MAML2: variants seen among roughly 807,000 people sequenced by gnomAD.
MAML2 encodes the protein mastermind like transcriptional coactivator 2.
MAML2 carries 22 observed loss-of-function variants against 96.1 expected under a neutral mutation model. That is an observed-to-expected ratio of 0.23 (90% CI 0.16 to 0.33). The LOEUF (loss-of-function observed/expected upper bound fraction) is 0.33. MAML2 is among the 10% of genes least tolerant of loss of function. MAML2 has a pLI of 1.00. For missense variants in MAML2, 1,367 were observed against 1,392.4 expected (o/e 0.98, Z 0.29); for synonymous variants, 561 against 521.3 (o/e 1.08, Z -1.04).
intron 1 of MAML2, among the ~76,000 whole-genome samples, chr11:96,211,459 A>AAG (rs1485159728): frequency 6.6e-6 from 1 of 151,788 alleles, no homozygotes; most frequent in Non-Finnish European, 1.5e-5. Context: ...AAAAAAAAAA[A>AAG]AAGAAAAGCC....
chr11:96,117,482 T>C (rs1230027320), intron 1 of MAML2, among the ~76,000 whole-genome samples: 1 of 151,764 alleles, frequency 6.6e-6, no homozygotes. Context: ...GTATTTTTTG[T>C]TGAGACAAGG....
At chr11:96,337,235 C>G (rs1016576504) in intron 1 of MAML2, among the ~76,000 whole-genome samples, 1 of 152,018 alleles carries the variant, frequency 6.6e-6, no homozygotes, top group Non-Finnish European at 1.5e-5. Flanking sequence ...ATAAACACTC[C>G]TATCACTGTC....
chr11:96,334,761 C>T (rs1018460351), intron 1 of MAML2, among the ~76,000 whole-genome samples: 3 of 152,170 alleles, frequency 2.0e-5, no homozygotes, highest in Admixed American at 6.5e-5. Flanking sequence ...ACAATCTTGA[C>T]GTAAGAGTTT....
In MAML2 at chr11:95,978,850, G is replaced by A. The variant is rs1382760449; in HGVS notation, c.*98C>T. On this transcript the variant is annotated 3_prime_UTR_variant, in exon 5 of 5. Coordinates refer to ENST00000524717, the MANE Select transcript of MAML2 (RefSeq NM_032427.4). ...CCATTTTTAAGCATGTTATCTTCAT[G>A]TAGTCCACCTGAACATCAACAGTTC... The A allele has an allele frequency of 5.5e-6, 6 of 1,086,812 alleles. No homozygotes were observed. Among genetic ancestry groups the A allele is most frequent in the Non-Finnish European group, 3.9e-6 (3 of 776,728 alleles). 67.3% of individuals were successfully genotyped at this position (1,086,812 alleles called of 1,614,324 possible).
chr11:96,116,068 A>G (rs1318863140), intron 1 of MAML2, among the ~76,000 whole-genome samples: 2 of 152,152 alleles, frequency 1.3e-5, no homozygotes, highest in East Asian at 3.9e-4. Flanking sequence ...CTAGGTATCT[A>G]CTGGGATTCT....
intron 1 of MAML2, among the ~76,000 whole-genome samples, chr11:96,321,547 T>C (rs1863700226): frequency 6.6e-6 from 1 of 152,242 alleles, no homozygotes; most frequent in African/African-American, 2.4e-5. Flanking sequence ...AATCCATCAG[T>C]GCATGTACAA....
At chr11:96,038,925 T>A (rs1858761364) in intron 2 of MAML2, among the ~76,000 whole-genome samples, 1 of 152,216 alleles carries the variant, frequency 6.6e-6, no homozygotes, top group African/African-American at 2.4e-5. Flanking sequence ...TAATAATACT[T>A]GTCAAATGAA....
At chr11:96,097,705 A>G (rs901462486) in intron 1 of MAML2, among the ~76,000 whole-genome samples, 2 of 152,192 alleles carry the variant, frequency 1.3e-5, no homozygotes, top group African/African-American at 2.4e-5. Context: ...ATAATTTTTA[A>G]TATTTTTTAA....
chr11:96,212,559 C>A (rs1861988010), intron 1 of MAML2, among the ~76,000 whole-genome samples: 1 of 152,188 alleles, frequency 6.6e-6, no homozygotes, highest in Admixed American at 6.5e-5. Context: ...ATCATCTTAT[C>A]AGTCAGCAGC....
intron 3 of MAML2, among the ~76,000 whole-genome samples, chr11:95,988,477 C>A (rs1857863167): frequency 4.4e-4 from 1 of 2,248 alleles, no homozygotes; most frequent in Non-Finnish European, 7.5e-4. Flanking sequence ...TCAGGCTTGT[C>A]TCCACCAGAG....
At chr11:96,226,841 A>G (rs1591083105) in intron 1 of MAML2, among the ~76,000 whole-genome samples, 3 of 152,376 alleles carry the variant, frequency 2.0e-5, no homozygotes, top group South Asian at 4.1e-4. Context: ...CAGCAATGAC[A>G]GATGTAGCCC....
At chr11:96,183,210 C>T (rs1371704432) in intron 1 of MAML2, among the ~76,000 whole-genome samples, 18 of 152,152 alleles carry the variant, frequency 1.2e-4, no homozygotes, top group Non-Finnish European at 2.2e-4. Flanking sequence ...CCACCCGCCT[C>T]GGCCTCCCAA....
chr11:96,179,048 T>C (rs1377737359), intron 1 of MAML2, among the ~76,000 whole-genome samples: 12 of 152,200 alleles, frequency 7.9e-5, no homozygotes, highest in Admixed American at 7.9e-4. Context: ...GTTCATCTGC[T>C]TTTGTCTCTG....
At chr11:95,992,976 G>A (rs1352532668) in intron 2 of MAML2, among the ~76,000 whole-genome samples, 1 of 151,944 alleles carries the variant, frequency 6.6e-6, no homozygotes, top group Non-Finnish European at 1.5e-5. Flanking sequence ...AACCTCCCAG[G>A]CTCAAGCAGT....
intron 1 of MAML2, among the ~76,000 whole-genome samples, chr11:96,159,487 CG>C (rs541675583): frequency 3.6e-5 from 2 of 55,560 alleles, no homozygotes; most frequent in South Asian, 1.4e-3. Flanking sequence ...ATCTCGGCTG[CG>C]AGCCGAGATC....
At chr11:96,309,557 A>C (rs1294160518) in intron 1 of MAML2, among the ~76,000 whole-genome samples, 2 of 152,132 alleles carry the variant, frequency 1.3e-5, no homozygotes, top group Admixed American at 6.5e-5. Context: ...GTTTTGCTAC[A>C]TCACCATTTC....
At chr11:96,261,845 ATAAT>A (rs1828238992) in intron 1 of MAML2, among the ~76,000 whole-genome samples, 1 of 152,272 alleles carries the variant, frequency 6.6e-6, no homozygotes, top group South Asian at 2.1e-4. Context: ...AGACAATTTT[ATAAT>A]TATTTTTTCA....
intron 2 of MAML2, among the ~76,000 whole-genome samples, 186 bp downstream of exon 2, chr11:96,091,706 T>C (rs984390434): frequency 1.3e-5 from 2 of 152,174 alleles, no homozygotes; most frequent in Non-Finnish European, 2.9e-5. Context: ...TACAGGGAAG[T>C]ACTAGTCCTT....
chr11:96,120,104 C>T (rs940866743), intron 1 of MAML2, among the ~76,000 whole-genome samples: 2 of 152,048 alleles, frequency 1.3e-5, no homozygotes, highest in Non-Finnish European at 2.9e-5. Flanking sequence ...ACTACAGGCG[C>T]CTGCCAGCAC....
Sources: allele counts gnomAD v4.1 joint callset (sites outside exome capture counted in the v4.1 genomes callset), GRCh38; gene constraint gnomAD v4.1.1; transcripts MANE v1.5; gene names NCBI Gene and HGNC (gene_info 2026-07-23, HGNC 2026-07-21).